Variants in NAA50 observed in about 807,000 individuals in gnomAD.
The protein encoded by NAA50 is N-alpha-acetyltransferase 50, NatE catalytic subunit, also known as N-alpha-acetyltransferase 50.
In NAA50, 7 loss-of-function variants were observed where a neutral mutation model predicts 20.7. The ratio of observed to expected loss-of-function variants is 0.34; its 90% CI spans 0.19 to 0.63. The LOEUF (loss-of-function observed/expected upper bound fraction) is 0.63, where lower values mean the gene tolerates loss of function less well. Among genes scored for constraint, NAA50 ranks in the 30% least tolerant of loss-of-function variants. The pLI, the probability that NAA50 is intolerant of heterozygous loss-of-function variation, is 0.75. For synonymous variants in NAA50, 54 were observed against 70.6 expected, an observed-to-expected ratio of 0.77 and a Z score of 1.18; for missense variants, 111 against 199.1, an observed-to-expected ratio of 0.56 and a Z score of 2.66.
intron 1 of NAA50, among the ~76,000 whole-genome samples, chr3:113,733,480 A>C (rs1283252072): frequency 6.6e-6 from 1 of 152,192 alleles, no homozygotes; most frequent in Non-Finnish European, 1.5e-5. Context: ...AAATAAGTAC[A>C]AACTGGATAT....
chr3:113,746,086 G>T lies in NAA50; in HGVS notation c.-137C>A. On this transcript the variant is annotated 5_prime_UTR_variant, in exon 1 of 5. Transcript: ENST00000240922. ...CTAGCCTGGGCAGGGAGCTGTGCGA[G>T]CAACGAAGGCCGCGAGAGTCGAGTG... The T allele has an allele frequency of 8.6e-7, 1 of 1,160,564 alleles. No homozygotes were observed. Among genetic ancestry groups the T allele is most frequent in the Non-Finnish European group, 1.2e-6 (1 of 829,712 alleles). 71.9% of individuals were successfully genotyped at this position (1,160,564 alleles called of 1,614,324 possible). A position where few individuals can be genotyped will look rare whatever the true frequency, so the allele number is the denominator to read the frequency against.
intron 1 of NAA50, among the ~76,000 whole-genome samples, chr3:113,725,945 AC>A (rs1231936602): frequency 1.3e-5 from 2 of 152,198 alleles, no homozygotes. Context: ...AAAACAAGAG[AC>A]TTTTACCCCC....
rs1411139452 is a variant in NAA50, at chr3:113,717,601, A to G, written c.*4159T>C. The G allele has an allele frequency of 6.6e-6, 1 of 152,176 alleles. No individual in the cohort carries two copies. The highest frequency in any genetic ancestry group is 2.4e-5 in the African/African-American group (1 of 41,432). 9.4% of individuals were successfully genotyped at this position (152,176 alleles called of 1,614,324 possible). A position where few individuals can be genotyped will look rare whatever the true frequency, so the allele number is the denominator to read the frequency against. On this transcript the variant is annotated 3_prime_UTR_variant, in exon 5 of 5. Transcript: ENST00000240922. The stretch of plus-strand genomic sequence containing the variant: ...GAACCAATTCAGGACACTGCCATAG[A>G]AAATATTTACTCCCTGAAAAACTTC...
intron 3 of NAA50, 75 bp from the exon 4 acceptor site, chr3:113,723,047 C>T (rs1386175996): frequency 7.0e-7 from 1 of 1,436,084 alleles, no homozygotes; most frequent in Non-Finnish European, 9.2e-7. Context: ...CACTTGCCAT[C>T]TGAACTACTT....
At chr3:113,734,358 CA>C (rs1708311702) in intron 1 of NAA50, among the ~76,000 whole-genome samples, 1 of 152,114 alleles carries the variant, frequency 6.6e-6, no homozygotes, top group South Asian at 2.1e-4. Flanking sequence ...GTATCATGCT[CA>C]CTACCCAGGT....
Position 113,716,831 on chromosome 3 carries a change from G to C in NAA50, c.*4929C>G, listed in dbSNP as rs1387670787. The C allele has an allele frequency of 6.6e-6, 1 of 152,164 alleles. No homozygotes were observed. The highest frequency in any genetic ancestry group is 1.5e-5 in the Non-Finnish European group (1 of 68,018). 9.4% of individuals were successfully genotyped at this position (152,164 alleles called of 1,614,324 possible). A position where few individuals can be genotyped will look rare whatever the true frequency, so the allele number is the denominator to read the frequency against. The stretch of plus-strand genomic sequence containing the variant: ...AAACTCCAAAATAGTTCAGCCAATA[G>C]AGTAACTTCCCAAATGCTGGATTTA... On this transcript the variant is annotated 3_prime_UTR_variant, in exon 5 of 5. Coordinates refer to ENST00000240922, the MANE Select transcript of NAA50 (RefSeq NM_025146.4).
intron 1 of NAA50, among the ~76,000 whole-genome samples, chr3:113,741,513 A>C (rs1316439806): frequency 1.3e-5 from 2 of 152,258 alleles, no homozygotes; most frequent in Non-Finnish European, 2.9e-5. Flanking sequence ...ATTGAGAAAG[A>C]GTATCGCTTC....
At chr3:113,728,257 T>G (rs1184285378) in intron 1 of NAA50, among the ~76,000 whole-genome samples, 1 of 152,336 alleles carries the variant, frequency 6.6e-6, no homozygotes, top group East Asian at 1.9e-4. Flanking sequence ...TCTGTCAATC[T>G]AAATTTTTCT....
chr3:113,744,466 TAAAAAAAAAAA>T (rs565340033), intron 1 of NAA50, among the ~76,000 whole-genome samples: 1 of 141,898 alleles, frequency 7.0e-6, no homozygotes, highest in African/African-American at 2.6e-5. Flanking sequence ...CCTGCCTCAT[TAAAAAAAAAAA>T]AATGAAAAGA....
At chr3:113,732,473 T>C (rs1056209573) in intron 1 of NAA50, among the ~76,000 whole-genome samples, 1 of 152,178 alleles carries the variant, frequency 6.6e-6, no homozygotes, top group African/African-American at 2.4e-5. Context: ...TATTCTCTTA[T>C]AGTACAGGAG....
chr3:113,734,591 C>T (rs1426407033), intron 1 of NAA50, among the ~76,000 whole-genome samples: 1 of 152,132 alleles, frequency 6.6e-6, no homozygotes, highest in African/African-American at 2.4e-5. Context: ...GTAAATGATT[C>T]CTCGTTTATT....
rs146114785 is a variant in NAA50, at chr3:113,721,689, G to T, written c.*71C>A. 3.4e-5 allele frequency: 51 copies of T among 1,495,998 alleles called. No homozygotes were observed. In the East Asian group the frequency reaches 1.0e-3, roughly 30 times the overall value. The allele number at this position is 1,495,998 out of a possible 1,614,324, so 92.7% of individuals were successfully genotyped here. On this transcript the variant is annotated 3_prime_UTR_variant, in exon 5 of 5. Transcript: ENST00000240922. ...AGCTTTAAAAGAAAAGTGTTGGGGT[G>T]GGGGAGGAATCAATGGGCCTCTCTT...
chr3:113,733,246 G>A (rs1355375354), intron 1 of NAA50, among the ~76,000 whole-genome samples: 4 of 151,780 alleles, frequency 2.6e-5, no homozygotes, highest in South Asian at 2.1e-4. Context: ...TTCTTACCAC[G>A]GTATCATACT....
intron 1 of NAA50, among the ~76,000 whole-genome samples, chr3:113,737,775 C>G (rs904444093): frequency 6.6e-6 from 1 of 152,108 alleles, no homozygotes; most frequent in Non-Finnish European, 1.5e-5. Context: ...TAGATTTTAC[C>G]CACTGGGTGC....
rs1708154760 is a variant in NAA50 at position 113,722,929 on chromosome 3, A to T, written c.309T>A (p.Asp103Glu). ...LNHVLNICEK[D>E]GTFDNIYLHV... is the part of the protein sequence containing the mutation. ...ACAGATAAATGTTGTCAAAAGTACC[A>T]TCTTTTTCACAGATGTTTAAGACAT... Residue 103 changes from aspartate to glutamate, a missense_variant, in exon 4 of 5, where the codon GAT becomes GAA. Transcript: ENST00000240922. 3 of 1,542,224 alleles carry T rather than the reference A, an allele frequency of 1.9e-6. No individual in the cohort carries two copies. Among genetic ancestry groups the T allele is most frequent in the Non-Finnish European group, 2.6e-6 (3 of 1,134,526 alleles).
chr3:113,725,582 T>C (rs373409968), intron 1 of NAA50, among the ~76,000 whole-genome samples: 185 of 152,112 alleles, frequency 1.2e-3, no homozygotes, highest in African/African-American at 4.1e-3. Context: ...CCTGGGCATA[T>C]AGCAAAACTT....
In NAA50 at chr3:113,746,152, C is replaced by G; in HGVS notation, c.-203G>C. ...TGGGGGCGGGAGTGTCTCCCGCCGC[C>G]GCGCTTGTGCCGCCGCTTCTCCACA... On this transcript the variant is annotated 5_prime_UTR_variant, in exon 1 of 5. Transcript: ENST00000240922. The G allele has an allele frequency of 1.7e-6, 1 of 578,708 alleles. No individual in the cohort carries two copies. Among genetic ancestry groups the G allele is most frequent in the Non-Finnish European group, 2.9e-6 (1 of 342,438 alleles). 35.8% of individuals were successfully genotyped at this position (578,708 alleles called of 1,614,324 possible).
intron 1 of NAA50, 35 bp downstream of exon 1, chr3:113,745,907 C>G (rs1245597802): frequency 6.2e-7 from 1 of 1,601,134 alleles, no homozygotes; most frequent in Non-Finnish European, 8.5e-7. Context: ...CCTTCTACCC[C>G]ACCGGCCGGG....
intron 1 of NAA50, among the ~76,000 whole-genome samples, chr3:113,740,643 C>T (rs1432251100): frequency 2.0e-5 from 3 of 152,072 alleles, no homozygotes; most frequent in Non-Finnish European, 4.4e-5. Context: ...CCCAAAGTGT[C>T]GGGATTACGA....
Sources: gnomAD v4.1 joint callset for allele counts (sites outside exome capture counted in the v4.1 genomes callset) on GRCh38, gnomAD v4.1.1 for gene constraint, MANE v1.5 for transcripts, NCBI Gene and HGNC (gene_info 2026-07-23, HGNC 2026-07-21) for gene names.